DNAJC13: variants seen among roughly 807,000 people sequenced by gnomAD.
The protein encoded by DNAJC13 is DnaJ heat shock protein family (Hsp40) member C13, also known as dnaJ homolog subfamily C member 13.
DNAJC13 carries 75 observed loss-of-function variants against 290.5 expected under a neutral mutation model. The observed-to-expected ratio is 0.26, with a 90% CI of 0.21 to 0.31. The LOEUF (loss-of-function observed/expected upper bound fraction) is 0.31, where lower values mean the gene tolerates loss of function less well. DNAJC13 is among the 10% of genes least tolerant of loss of function. The pLI, the probability that DNAJC13 is intolerant of heterozygous loss-of-function variation, is 1.00. For synonymous variants in DNAJC13, 862 were observed against 892.0 expected (o/e 0.97, Z 0.60); for missense variants, 2,260 against 2,674.5 (o/e 0.85, Z 3.42).
chr3:132,520,573 A>C (rs537413026), intron 48 of DNAJC13, among the ~76,000 whole-genome samples: 25 of 152,352 alleles, frequency 1.6e-4, no homozygotes, highest in Non-Finnish European at 3.4e-4. Context: ...ATACTAAACA[A>C]GCATTCTCAG....
chr3:132,427,075 A>ATGTGTGTG (rs10576541), intron 1 of DNAJC13, among the ~76,000 whole-genome samples: 5 of 140,788 alleles, frequency 3.6e-5, no homozygotes, highest in African/African-American at 1.1e-4. Flanking sequence ...ATATATACAT[A>ATGTGTGTG]TGTGTGTGTG....
Position 132,445,575 on chromosome 3 carries a change from CT to C in DNAJC13, c.69-896del, listed in dbSNP as rs1933221085. 3.3e-5 allele frequency among the ~76,000 whole-genome samples: 5 copies of C among 152,042 alleles called. No individual in the cohort carries two copies. The South Asian group carries it at 1.0e-3, about 32-fold the overall frequency. On this transcript the variant is annotated intron_variant, in intron 2 of 55. Transcript: ENST00000260818. ...GTCTTGAAATCATTTGAGCCTGGTG[CT>C]TTTGGAGGATGTAATTCTTTGCAGC...
chr3:132,500,823 T>C lies in DNAJC13; in HGVS notation c.4446T>C (p.Ser1482=). 2 of 1,614,020 alleles carry C rather than the reference T, an allele frequency of 1.2e-6. No individual in the cohort carries two copies. Among genetic ancestry groups the C allele is most frequent in the Non-Finnish European group, 1.7e-6 (2 of 1,179,934 alleles). ...GTGGATACATAAGTAAATGCTACAGTGTGGCTGCTCAGTTTGAGGAATGCC... is the reference window on the plus strand; with the variant it reads ...GTGGATACATAAGTAAATGCTACAGCGTGGCTGCTCAGTTTGAGGAATGCC... ...QVCGYISKCY[S]VAAQFEECRE... is the part of the protein sequence containing the mutation. The change falls in exon 39 of 56, where the codon AGT becomes AGC. Residue 1482 remains serine, a synonymous_variant. Coordinates refer to ENST00000260818, the MANE Select transcript of DNAJC13 (RefSeq NM_015268.4).
intron 8 of DNAJC13, 100 bp from the exon 9 acceptor site, chr3:132,453,966 A>T: frequency 1.0e-6 from 1 of 973,862 alleles, no homozygotes. Flanking sequence ...GTCACATCTT[A>T]AAATACTGAC....
intron 54 of DNAJC13, among the ~76,000 whole-genome samples, chr3:132,528,829 C>A (rs1003428064): frequency 1.3e-5 from 2 of 151,650 alleles, no homozygotes; most frequent in Non-Finnish European, 2.9e-5. Context: ...TTCAGCTGCA[C>A]GTATTTGCTG....
chr3:132,446,124 A>T, intron 2 of DNAJC13, among the ~76,000 whole-genome samples: 1 of 150,460 alleles, frequency 6.6e-6, no homozygotes, highest in Non-Finnish European at 1.5e-5. Flanking sequence ...ATTGGTATGC[A>T]GTGTTTTTTT....
At chr3:132,460,457 GCC>G in intron 14 of DNAJC13, 100 bp downstream of exon 14, 1 of 758,026 alleles carries the variant, frequency 1.3e-6, no homozygotes, top group Non-Finnish European at 2.2e-6. Context: ...TTTTATTGTA[GCC>G]CCCAGCTTTG....
chr3:132,530,064 G>A (rs1936369981), intron 54 of DNAJC13, among the ~76,000 whole-genome samples: 1 of 152,008 alleles, frequency 6.6e-6, no homozygotes, highest in African/African-American at 2.4e-5. Context: ...GAGGAAAGAG[G>A]TATAGTAGTT....
At chr3:132,523,495 C>T in intron 50 of DNAJC13, 45 bp from the exon 51 acceptor site, 2 of 1,585,236 alleles carry the variant, frequency 1.3e-6, no homozygotes, top group Non-Finnish European at 1.7e-6. Context: ...TTTCTAGCTT[C>T]AAGATTATTA....
chr3:132,461,261 A>T (rs1281748230), intron 15 of DNAJC13, 56 bp downstream of exon 15: 16 of 1,573,712 alleles, frequency 1.0e-5, no homozygotes, highest in Non-Finnish European at 1.2e-5. Context: ...AACCGCTTTT[A>T]GGATCACTGT....
Position 132,502,422 on chromosome 3 carries a change from C to T in DNAJC13, c.4670C>T (p.Thr1557Ile). The T allele has an allele frequency of 6.2e-7, 1 of 1,613,692 alleles. No homozygotes were observed. The highest frequency in any genetic ancestry group is 8.5e-7 in the Non-Finnish European group (1 of 1,179,874). Residue 1557 changes from threonine (T) to isoleucine (I), a missense_variant, in exon 40 of 56, where the codon ACA (threonine) becomes ATA (isoleucine). Physicochemically the swap from Thr to Ile is moderately conservative, Grantham distance 89. Around this residue, in one of 3 missense-constraint regions of DNAJC13, gnomAD observed 1,494 missense variants for 1,693.7 expected, o/e 0.88. Transcript: ENST00000260818. ...GGTTTTCTGTTTAATTATGACTACACACTAGAAGAGAGTGGCATTCAGAAA... is the reference window on the plus strand; with the variant it reads ...GGTTTTCTGTTTAATTATGACTACATACTAGAAGAGAGTGGCATTCAGAAA... ...LLGFLFNYDY[T>I]LEESGIQKSE... is the part of the protein sequence containing the mutation.
chr3:132,538,324 A>C lies in DNAJC13; in HGVS notation c.*42A>C. The C allele has an allele frequency of 1.3e-6, 2 of 1,516,714 alleles. No homozygotes were observed. The highest frequency in any genetic ancestry group is 1.8e-6 in the Non-Finnish European group (2 of 1,097,536). 94.0% of individuals were successfully genotyped at this position (1,516,714 alleles called of 1,614,324 possible). On this transcript the variant is annotated 3_prime_UTR_variant, in exon 56 of 56. Coordinates refer to ENST00000260818, the MANE Select transcript of DNAJC13 (RefSeq NM_015268.4). ...AATAAACGCTGAAAGGCCAGTGCCA[A>C]GTCCACATTCCTCCAGCTGATACGT...
chr3:132,502,587 T>C (rs1237462060), intron 40 of DNAJC13, 119 bp downstream of exon 40: 1 of 983,086 alleles, frequency 1.0e-6, no homozygotes, highest in Admixed American at 3.3e-5. Context: ...TCAGGAAAAT[T>C]AGGTTTTTTG....
intron 36 of DNAJC13, 101 bp from the exon 37 acceptor site, chr3:132,499,025 T>C (rs559007638): frequency 4.3e-6 from 5 of 1,156,178 alleles, no homozygotes; most frequent in Admixed American, 2.7e-5. Context: ...CCCATTTTTA[T>C]TTTTTTAAGG....
chr3:132,457,453 C>T, intron 13 of DNAJC13, 85 bp downstream of exon 13: 1 of 1,040,896 alleles, frequency 9.6e-7, no homozygotes, highest in South Asian at 1.5e-5. Flanking sequence ...TTTCATTGTA[C>T]CAATAAGTTC....
At position 132,502,301 on chromosome 3, in the gene DNAJC13, G is replaced by A. The variant is rs772420158; in HGVS notation, c.4549G>A (p.Val1517Ile). The change falls in exon 40 of 56, where the codon GTA becomes ATA. Residue 1517 changes from valine to isoleucine, a missense_variant. Val to Ile is a conservative substitution (Grantham distance 29). Transcript: ENST00000260818. ...TTTATTCTCTCAGAGTATTCCCCGC[G>A]TAGCTGCTCTTGGGGTAGAATGTGT... ...VLYFGKSIPR[V>I]AALGVECVSS... The A allele has an allele frequency of 1.2e-5, 19 of 1,610,164 alleles. No homozygotes were observed. The highest frequency in any genetic ancestry group is 5.5e-5 in the South Asian group (5 of 90,852).
rs766787464 is a variant in DNAJC13 at position 132,460,313 on chromosome 3, A to G, written c.1513A>G (p.Lys505Glu). ...QLNKASLLSSKKFLENLLEKF... is the reference protein window; with the variant it reads ...QLNKASLLSSEKFLENLLEKF... ...GAACAAAGCTTCTCTTCTCTCGTCAAAGAAGTTTCTGGAAAACTTACTGGA... is the reference window on the plus strand; with the variant it reads ...GAACAAAGCTTCTCTTCTCTCGTCAGAGAAGTTTCTGGAAAACTTACTGGA... The change falls in exon 14 of 56, where the codon AAG (lysine) becomes GAG (glutamate). Residue 505 changes from lysine to glutamate, a missense_variant. Physicochemically the swap from Lys to Glu is moderately conservative, Grantham distance 56. This residue lies in a region of DNAJC13 where 762 missense variants were observed against 964.1 expected (regional missense o/e 0.79). Coordinates refer to ENST00000260818, the MANE Select transcript of DNAJC13 (RefSeq NM_015268.4). 1.2e-6 allele frequency: 2 copies of G among 1,613,154 alleles called. No individual in the cohort carries two copies. Among genetic ancestry groups the G allele is most frequent in the Non-Finnish European group, 1.7e-6 (2 of 1,179,358 alleles).
chr3:132,503,096 T>C (rs1318220687), intron 40 of DNAJC13, 118 bp from the exon 41 acceptor site: 2 of 1,065,058 alleles, frequency 1.9e-6, no homozygotes, highest in Non-Finnish European at 2.7e-6. Flanking sequence ...TTGTACCCTT[T>C]TGTTGGTTGA....
intron 55 of DNAJC13, among the ~76,000 whole-genome samples, chr3:132,534,166 G>T (rs1167291016): frequency 6.6e-6 from 1 of 152,142 alleles, no homozygotes; most frequent in African/African-American, 2.4e-5. Flanking sequence ...CCAGGAAGGG[G>T]CATGGAGATA....
Sources: allele counts gnomAD v4.1 joint callset (sites outside exome capture counted in the v4.1 genomes callset), GRCh38; gene constraint gnomAD v4.1.1; regional missense constraint gnomAD v4.1.1; transcripts MANE v1.5; gene names NCBI Gene and HGNC (gene_info 2026-07-23, HGNC 2026-07-21).